CSMD3: variants seen among roughly 807,000 people sequenced by gnomAD.
CSMD3 encodes the protein CUB and sushi domain-containing protein 3.
A neutral mutation model predicts 435.2 loss-of-function variants in CSMD3; 177 were observed. That is an observed-to-expected ratio of 0.41 (90% confidence interval 0.36 to 0.46). The LOEUF (loss-of-function observed/expected upper bound fraction) is 0.46. Ranked by LOEUF, CSMD3 falls within the 20% of genes least tolerant of loss-of-function variation. The probability of loss-of-function intolerance (pLI) is 0.34; values close to 1 mark genes in which losing one functional copy is unlikely to be tolerated. For synonymous variants in CSMD3, 1,656 were observed against 1,520.5 expected (o/e 1.09, Z -2.07); for missense variants, 4,265 against 4,504.6 (o/e 0.95, Z 1.52).
At chr8:112,296,870 G>C (rs986066203) in intron 53 of CSMD3, among the ~76,000 whole-genome samples, 22 of 151,596 alleles carry the variant, frequency 1.5e-4, no homozygotes, top group Non-Finnish European at 2.8e-4. Context: ...AAAAAGGAGA[G>C]AATAAAATTG....
intron 38 of CSMD3, among the ~76,000 whole-genome samples, chr8:112,359,766 G>A (rs1204710492): frequency 6.6e-6 from 1 of 152,084 alleles, no homozygotes; most frequent in Non-Finnish European, 1.5e-5. Flanking sequence ...AGGAGAGTCT[G>A]TACATTGCAA....
At chr8:112,955,865 A>G (rs1423596659) in intron 7 of CSMD3, among the ~76,000 whole-genome samples, 1 of 151,890 alleles carries the variant, frequency 6.6e-6, no homozygotes, top group African/African-American at 2.4e-5. Flanking sequence ...TTTTTGTTAG[A>G]TGGCTTAAAA....
chr8:112,388,654 A>G (rs1830160901), intron 36 of CSMD3, among the ~76,000 whole-genome samples: 1 of 152,198 alleles, frequency 6.6e-6, no homozygotes, highest in Non-Finnish European at 1.5e-5. Context: ...GAAAATGTCC[A>G]GTGGGCAGTC....
intron 4 of CSMD3, among the ~76,000 whole-genome samples, chr8:113,103,814 T>A (rs2090397257): frequency 1.3e-5 from 2 of 152,080 alleles, no homozygotes; most frequent in South Asian, 4.1e-4. Flanking sequence ...AAAATAAAGA[T>A]TAGTTGTATT....
intron 13 of CSMD3, among the ~76,000 whole-genome samples, chr8:112,756,740 C>G (rs757787180): frequency 7.3e-5 from 11 of 150,598 alleles, no homozygotes; most frequent in Non-Finnish European, 1.3e-4. Flanking sequence ...ATCGTTTTTT[C>G]TCCCTCCTTT....
intron 23 of CSMD3, among the ~76,000 whole-genome samples, chr8:112,582,613 A>C (rs1457954793): frequency 6.6e-6 from 1 of 151,834 alleles, no homozygotes; most frequent in Non-Finnish European, 1.5e-5. Context: ...GAACAAAAAA[A>C]GGTTTAGAGC....
chr8:113,120,085 T>C (rs2131631574), intron 4 of CSMD3, among the ~76,000 whole-genome samples: 1 of 152,172 alleles, frequency 6.6e-6, no homozygotes, highest in East Asian at 1.9e-4. Context: ...AAAATGTATG[T>C]ATATATGTTC....
chr8:112,300,167 TTATA>T (rs1820778312), intron 53 of CSMD3, among the ~76,000 whole-genome samples: 1 of 147,326 alleles, frequency 6.8e-6, no homozygotes. Flanking sequence ...TGTATTTAAA[TTATA>T]TATCATTTAA....
rs1039795556 is a variant in CSMD3 at position 112,258,374 on chromosome 8, C to A, written c.9863-2947G>T. On this transcript the variant is annotated intron_variant, in intron 61 of 70. Transcript: ENST00000297405. ...GAGAATGGGAGAAAATTTTTGCAAT[C>A]TATTCATATGACAAAGGGCTAATAT... 1.1e-4 allele frequency among the ~76,000 whole-genome samples: 17 copies of A among 152,264 alleles called. No individual in the cohort carries two copies. The East Asian group carries it at 3.1e-3, about 28-fold the overall frequency.
intron 23 of CSMD3, among the ~76,000 whole-genome samples, chr8:112,581,764 A>G (rs1385267267): frequency 1.3e-5 from 2 of 152,068 alleles, no homozygotes; most frequent in Admixed American, 6.6e-5. Flanking sequence ...ATTAACTATG[A>G]ATGCATAATA....
chr8:112,502,645 G>A (rs1390778749), intron 30 of CSMD3, among the ~76,000 whole-genome samples: 1 of 151,186 alleles, frequency 6.6e-6, no homozygotes, highest in Non-Finnish European at 1.5e-5. Context: ...AATGCAAAAG[G>A]AGTTTCCATT....
At chr8:112,627,995 C>T (rs1052763158) in intron 22 of CSMD3, among the ~76,000 whole-genome samples, 1 of 152,158 alleles carries the variant, frequency 6.6e-6, no homozygotes, top group Non-Finnish European at 1.5e-5. Flanking sequence ...AGATATTTAT[C>T]TCCTAATGAG....
At chr8:112,535,781 G>T (rs1471124531) in intron 27 of CSMD3, among the ~76,000 whole-genome samples, 1 of 152,134 alleles carries the variant, frequency 6.6e-6, no homozygotes, top group Non-Finnish European at 1.5e-5. Flanking sequence ...ATACTACAAG[G>T]CTACAGTGAC....
intron 40 of CSMD3, among the ~76,000 whole-genome samples, chr8:112,350,733 T>C (rs1826065340): frequency 6.6e-6 from 1 of 152,056 alleles, no homozygotes; most frequent in South Asian, 2.1e-4. Context: ...TTTAATATAT[T>C]CCATATCTTG....
At chr8:112,321,358 T>C (rs1163981500) in intron 45 of CSMD3, among the ~76,000 whole-genome samples, 1 of 151,958 alleles carries the variant, frequency 6.6e-6, no homozygotes, top group East Asian at 1.9e-4. Flanking sequence ...TGCAAAAAAG[T>C]ATTATGGGAG....
intron 31 of CSMD3, among the ~76,000 whole-genome samples, chr8:112,489,771 T>C (rs1016373385): frequency 6.6e-6 from 1 of 152,170 alleles, no homozygotes; most frequent in Admixed American, 6.5e-5. Flanking sequence ...AAATTATTGG[T>C]TGCAATCATA....
At chr8:112,309,073 A>G (rs549173806) in intron 50 of CSMD3, among the ~76,000 whole-genome samples, 1 of 152,116 alleles carries the variant, frequency 6.6e-6, no homozygotes, top group East Asian at 1.9e-4. Context: ...TTATCATTTT[A>G]CTTCACCAAA....
chr8:112,314,872 T>TAA (rs1822319425), intron 47 of CSMD3, among the ~76,000 whole-genome samples: 1 of 151,978 alleles, frequency 6.6e-6, no homozygotes, highest in Admixed American at 6.6e-5. Context: ...AATACATAAA[T>TAA]AAAATATAAG....
chr8:112,891,362 C>G (rs552482642), intron 10 of CSMD3, among the ~76,000 whole-genome samples: 4 of 151,722 alleles, frequency 2.6e-5, no homozygotes, highest in African/African-American at 7.2e-5. Context: ...GCCCAGCAAT[C>G]AATCAATTCA....
Sources: allele counts gnomAD v4.1 joint callset (sites outside exome capture counted in the v4.1 genomes callset), GRCh38; gene constraint gnomAD v4.1.1; transcripts MANE v1.5; gene names NCBI Gene and HGNC (gene_info 2026-07-23, HGNC 2026-07-21).